The following PLXNA3 variants were observed in gnomAD, a reference collection of about 807,000 sequenced individuals.
The protein encoded by PLXNA3 is plexin A3, also known as plexin-A3.
In PLXNA3, 52 loss-of-function variants were observed where a neutral mutation model predicts 118.8. The observed-to-expected ratio is 0.44, with a 90% CI of 0.35 to 0.55. The LOEUF (loss-of-function observed/expected upper bound fraction) is 0.55, where lower values mean the gene tolerates loss of function less well. Ranked by LOEUF, PLXNA3 falls within the 20% of genes least tolerant of loss-of-function variation. The pLI, the probability that PLXNA3 is intolerant of heterozygous loss-of-function variation, is 0.01. For synonymous variants in PLXNA3, 925 were observed against 762.4 expected, an observed-to-expected ratio of 1.21 and a Z score of -3.51; for missense variants, 1,660 against 1,730.8, an observed-to-expected ratio of 0.96 and a Z score of 0.73.
chrX:154,466,847 G>C, intron 17 of PLXNA3, 54 bp downstream of exon 17: 2 of 1,051,741 alleles, frequency 1.9e-6, no homozygotes, highest in South Asian at 2.3e-5. Flanking sequence ...CTCAGGGACT[G>C]GGTGGTCTCT....
intron 8 of PLXNA3, 37 bp from the exon 9 acceptor site, chrX:154,464,365 C>G: frequency 8.3e-7 from 1 of 1,202,347 alleles, no homozygotes; most frequent in East Asian, 3.0e-5. Context: ...CTCTCCCTAC[C>G]CCCAGCGAGT....
intron 32 of PLXNA3, 26 bp from the exon 33 acceptor site, chrX:154,472,564 A>C (rs1557209806): frequency 1.8e-6 from 2 of 1,096,057 alleles, no homozygotes; most frequent in South Asian, 1.8e-5. Flanking sequence ...TACAGAGCCC[A>C]GCTCCAGGGG....
At chrX:154,472,471 G>T in intron 32 of PLXNA3, 119 bp from the exon 33 acceptor site, 1 of 519,841 alleles carries the variant, frequency 1.9e-6, no homozygotes, top group South Asian at 2.6e-5. Context: ...AGGGGCTGCG[G>T]GGGAGGACGG....
chrX:154,469,645 C>G (rs1175875167), intron 27 of PLXNA3, 43 bp from the exon 28 acceptor site: 4 of 1,146,493 alleles, frequency 3.5e-6, no homozygotes, highest in Non-Finnish European at 4.8e-6. Context: ...GCCTTGGCTT[C>G]TCAGCTTCCT....
chrX:154,470,286 C>T, intron 29 of PLXNA3, 119 bp downstream of exon 29: 2 of 931,465 alleles, frequency 2.1e-6, no homozygotes, highest in Non-Finnish European at 3.0e-6. Context: ...GCTGTGGGAA[C>T]TCTGAGCCTT....
At position 154,468,338 on chromosome X, in the gene PLXNA3, C is replaced by T. The variant is rs782023272; in HGVS notation, c.3999C>T (p.Phe1333=). The change falls in exon 23 of 33, where the codon TTC becomes TTT. Residue 1333 remains phenylalanine, a synonymous_variant. Coordinates refer to ENST00000369682, the MANE Select transcript of PLXNA3 (RefSeq NM_017514.5). ...PPNVEKALRL[F]GQLLHSRAFV... ...ACGTGGAGAAGGCCCTGCGCCTCTT[C>T]GGGCAGCTGCTGCACAGCCGCGCGT... is the stretch of plus-strand genomic sequence containing the variant. 1.5e-5 allele frequency: 18 copies of T among 1,207,606 alleles called. No homozygotes were observed. The East Asian group carries it at 3.0e-4, about 20-fold the overall frequency.
chrX:154,460,850 T>C lies in PLXNA3; in HGVS notation c.594+73T>C, dbSNP rs2068939798. 3 of 822,836 alleles carry C rather than the reference T, an allele frequency of 3.6e-6. No homozygotes were observed. In the East Asian group the frequency reaches 9.7e-5, roughly 27 times the overall value. The allele number at this position is 822,836 out of a possible 1,213,427, so 67.8% of individuals were successfully genotyped here. ...CCTCCCAGAAGAGCCCTGTTCTTTC[T>C]GAGAGGGGACTTTCGGCTCCTCAGT... On this transcript the variant is annotated intron_variant, in intron 2 of 32. Transcript: ENST00000369682.
rs782743536 is a variant in PLXNA3 at position 154,466,759 on chromosome X, G to A, written c.3073G>A (p.Val1025Ile). The A allele has an allele frequency of 2.1e-5, 25 of 1,189,325 alleles. No homozygotes were observed. Among genetic ancestry groups the A allele is most frequent in the East Asian group, 1.8e-4 (6 of 32,981 alleles). Residue 1025 changes from valine to isoleucine, a missense_variant, in exon 17 of 33, where the codon GTC becomes ATC. Transcript: ENST00000369682. ...CTACACCTACACTCAGGACCCCACCGTCACCCGCCTTGAGCCCACCTGGAG... is the reference window on the plus strand; with the variant it reads ...CTACACCTACACTCAGGACCCCACCATCACCCGCCTTGAGCCCACCTGGAG... ...LIYTYTQDPTVTRLEPTWSII... is the reference protein window; with the variant it reads ...LIYTYTQDPTITRLEPTWSII...
Position 154,467,512 on chromosome X carries a change from GA to G in PLXNA3, c.3442-32del, listed in dbSNP as rs782634318. 1.2e-5 allele frequency: 14 copies of G among 1,158,855 alleles called. No homozygotes were observed. In the African/African-American group the frequency reaches 2.3e-4, roughly 19 times the overall value. Reference sequence around the variant, plus strand: ...GGGCGGGGAGGGGCGGGAAAGTGGAGAGTCCTGGGCTGAAGTTGTCCTCCAC... The same window carrying G: ...GGGCGGGGAGGGGCGGGAAAGTGGAGGTCCTGGGCTGAAGTTGTCCTCCAC... On this transcript the variant is annotated intron_variant, in intron 19 of 32. Transcript: ENST00000369682.
rs137934756 is a variant in PLXNA3, at chrX:154,463,661, G to T, written c.1518G>T (p.Pro506=). The T allele has an allele frequency of 8.3e-7, 1 of 1,203,773 alleles. No individual in the cohort carries two copies. Among genetic ancestry groups the T allele is most frequent in the Non-Finnish European group, 1.1e-6 (1 of 892,696 alleles). ...SCAACLGSGD[P]HCGWCVLRHR... ...CAGCCTGCCTGGGCTCCGGGGACCC[G>T]CACTGTGGTTGGTGTGTGCTGCGAC... Residue 506 remains proline (P), a synonymous_variant, in exon 6 of 33, where the codon CCG becomes CCT. Transcript: ENST00000369682.
At chrX:154,470,658 G>T (rs2069171144) in intron 30 of PLXNA3, 47 bp downstream of exon 30, 1 of 1,134,759 alleles carries the variant, frequency 8.8e-7, no homozygotes, top group African/African-American at 1.8e-5. Flanking sequence ...GAGACTGGTG[G>T]GCGGAAGACG....
At position 154,465,716 on chromosome X, in the gene PLXNA3, C is replaced by G. The variant is rs782279420; in HGVS notation, c.2401C>G (p.Pro801Ala). 1.7e-6 allele frequency: 2 copies of G among 1,210,392 alleles called. No individual in the cohort carries two copies. The highest frequency in any genetic ancestry group is 2.2e-6 in the Non-Finnish European group (2 of 894,823). The change falls in exon 13 of 33, where the codon CCC becomes GCC. Residue 801 changes from proline (P) to alanine (A), a missense_variant. Pro to Ala is a conservative substitution (Grantham distance 27). Around this residue, in one of 2 missense-constraint regions of PLXNA3, gnomAD observed 869 missense variants for 1,078.7 expected, o/e 0.81. Coordinates refer to ENST00000369682, the MANE Select transcript of PLXNA3 (RefSeq NM_017514.5). ...PSCGLCLKAD[P>A]RFNCGWCISE... The stretch of plus-strand genomic sequence containing the variant: ...CTGTGGCCTCTGCCTCAAGGCTGAT[C>G]CCCGCTTCAACTGTGGCTGGTGCAT...
chrX:154,469,177 C>T lies in PLXNA3; in HGVS notation c.4556C>T (p.Pro1519Leu). ...CTGGACACTGTGTACAAGGGCATTC[C>T]GTACTCCCAGCGTCCCAAAGCTGAG... ...KLLDTVYKGI[P>L]YSQRPKAEDM... is the part of the protein sequence containing the mutation. The change falls in exon 26 of 33, where the codon CCG becomes CTG. Residue 1519 changes from proline to leucine, a missense_variant. Transcript: ENST00000369682. 2.1e-5 allele frequency: 26 copies of T among 1,211,299 alleles called. No individual in the cohort carries two copies. Among genetic ancestry groups the T allele is most frequent in the Non-Finnish European group, 2.8e-5 (25 of 895,433 alleles).
rs782519199 is a variant in PLXNA3 at position 154,462,027 on chromosome X, C to T, written c.1135-101C>T. 4.3e-5 allele frequency: 30 copies of T among 704,613 alleles called. No individual in the cohort carries two copies. The Admixed American group carries it at 4.3e-4, about 10-fold the overall frequency. The allele number at this position is 704,613 out of a possible 1,213,427, so 58.1% of individuals were successfully genotyped here. On this transcript the variant is annotated intron_variant, in intron 3 of 32. Transcript: ENST00000369682. ...GCAGTCAGTCCTGGCTGGAGGGGAC[C>T]GGGTTCTAGATCCCGCTCTCTTCTG...
chrX:154,468,609 C>T (rs782050448), intron 23 of PLXNA3, 50 bp downstream of exon 23: 24 of 1,205,823 alleles, frequency 2.0e-5, no homozygotes, highest in Non-Finnish European at 2.2e-6. Context: ...CCTGGGCCTG[C>T]CCCCTGTCCA....
chrX:154,459,172 C>A (rs1383133593), intron 1 of PLXNA3, among the ~76,000 whole-genome samples: 2 of 108,964 alleles, frequency 1.8e-5, no homozygotes, highest in African/African-American at 3.3e-5. Context: ...CCGCTCCCCC[C>A]CCGCCTCCCG....
rs1472207406 is a variant in PLXNA3, at chrX:154,462,373, TG to T, written c.1317+66del. The T allele has an allele frequency of 5.8e-5, 53 of 910,874 alleles. 1 individual carries two copies. The East Asian group carries it at 1.7e-3, about 30-fold the overall frequency. The allele number at this position is 910,874 out of a possible 1,213,427, so 75.1% of individuals were successfully genotyped here. A position where few individuals can be genotyped will look rare whatever the true frequency, so the allele number is the denominator to read the frequency against. ...AGTCTCAGATATGGGACAAGGCTGG[TG>T]GGAACACACGGGAGAGCTCTGAGGA... On this transcript the variant is annotated intron_variant, in intron 4 of 32. Coordinates refer to ENST00000369682, the MANE Select transcript of PLXNA3 (RefSeq NM_017514.5).
chrX:154,458,568 T>G (rs1489906651), intron 1 of PLXNA3, 140 bp downstream of exon 1: 3 of 112,708 alleles, frequency 2.7e-5, no homozygotes, highest in Non-Finnish European at 5.6e-5. Flanking sequence ...CGACTCCTTG[T>G]GCCCCGCATG....
At chrX:154,468,774 G>C in intron 24 of PLXNA3, 45 bp downstream of exon 24, 1 of 1,210,883 alleles carries the variant, frequency 8.3e-7, no homozygotes, top group Non-Finnish European at 1.1e-6. Flanking sequence ...GCAGAGGACC[G>C]GCCAGTGGTC....
Sources: gnomAD v4.1 joint callset for allele counts (sites outside exome capture counted in the v4.1 genomes callset) on GRCh38, gnomAD v4.1.1 for gene constraint, gnomAD v4.1.1 regional missense constraint, MANE v1.5 for transcripts, NCBI Gene and HGNC (gene_info 2026-07-23, HGNC 2026-07-21) for gene names.